Variants in PCDH15 observed in about 807,000 individuals in gnomAD.
PCDH15 encodes the protein protocadherin-15.
In PCDH15, 129 loss-of-function variants were observed where a neutral mutation model predicts 178.5. The observed-to-expected ratio is 0.72, with a 90% CI of 0.63 to 0.84. The LOEUF (loss-of-function observed/expected upper bound fraction) is 0.84. Ranked by LOEUF, PCDH15 falls within the 40% of genes least tolerant of loss-of-function variation. The probability of loss-of-function intolerance (pLI) is 0.00; values close to 1 mark genes in which losing one functional copy is unlikely to be tolerated. For synonymous variants in PCDH15, 800 were observed against 732.0 expected (o/e 1.09, Z -1.50); for missense variants, 2,230 against 2,099.9 (o/e 1.06, Z -1.21).
intron 1 of PCDH15, among the ~76,000 whole-genome samples, chr10:54,693,306 G>A (rs35651658): frequency 0.051 from 7,649 of 151,220 alleles, 224 homozygotes; most frequent in Non-Finnish European, 0.074. Context: ...ATGAGTAAAT[G>A]AGCCCTTTAT....
At chr10:55,366,010 T>A (rs1181583554) in intron 2 of PCDH15, 2 of 152,154 alleles carry the variant, frequency 1.3e-5, no homozygotes, top group African/African-American at 4.8e-5. Flanking sequence ...ATTTATCCTG[T>A]CAAGAGTCAA....
At chr10:54,280,270 C>T (rs1340198771) in intron 8 of PCDH15, among the ~76,000 whole-genome samples, 3 of 142,684 alleles carry the variant, frequency 2.1e-5, no homozygotes, top group African/African-American at 8.3e-5. Context: ...CATTAATTAA[C>T]AAAATTTCTA....
At chr10:55,284,494 G>C (rs561832781) in intron 1 of PCDH15, among the ~76,000 whole-genome samples, 1 of 152,128 alleles carries the variant, frequency 6.6e-6, no homozygotes, top group East Asian at 1.9e-4. Context: ...GGTCATAAAG[G>C]TACAGTTTAT....
intron 2 of PCDH15, among the ~76,000 whole-genome samples, chr10:55,519,633 CAAAG>C (rs1841108950): frequency 6.6e-6 from 1 of 151,162 alleles, no homozygotes; most frequent in Non-Finnish European, 1.5e-5. Context: ...ATAATTAACT[CAAAG>C]AAAAAATAAA....
At chr10:55,339,264 TACA>T (rs1215324368) in intron 2 of PCDH15, among the ~76,000 whole-genome samples, 4 of 150,404 alleles carry the variant, frequency 2.7e-5, no homozygotes, top group Non-Finnish European at 5.9e-5. Context: ...AATAAATACA[TACA>T]ACAATTATGT....
chr10:55,229,326 C>T (rs1174874655), intron 1 of PCDH15, among the ~76,000 whole-genome samples: 2 of 150,778 alleles, frequency 1.3e-5, no homozygotes, highest in African/African-American at 4.9e-5. Flanking sequence ...ATATGGTATC[C>T]AAAATTATAA....
intron 1 of PCDH15, among the ~76,000 whole-genome samples, chr10:55,217,326 A>T (rs1840734586): frequency 6.6e-6 from 1 of 151,968 alleles, no homozygotes; most frequent in African/African-American, 2.4e-5. Flanking sequence ...AAAATGGTAG[A>T]AACAAATTGG....
At chr10:55,113,583 T>A (rs1837561307) in intron 2 of PCDH15, among the ~76,000 whole-genome samples, 1 of 152,218 alleles carries the variant, frequency 6.6e-6, no homozygotes, top group Admixed American at 6.5e-5. Context: ...TGAAATAAAC[T>A]TTGAAACTCT....
At chr10:55,132,479 G>T (rs1234118504) in intron 2 of PCDH15, among the ~76,000 whole-genome samples, 3 of 152,126 alleles carry the variant, frequency 2.0e-5, no homozygotes, top group Non-Finnish European at 4.4e-5. Context: ...GCTTCCCACT[G>T]ATTAATGTGA....
chr10:55,563,117 C>T (rs185511019), intron 2 of PCDH15, among the ~76,000 whole-genome samples: 20 of 151,952 alleles, frequency 1.3e-4, no homozygotes, highest in Admixed American at 2.6e-4. Flanking sequence ...CCACATCCTT[C>T]GGTTATCAAG....
At chr10:54,975,918 A>C (rs968360193) in intron 2 of PCDH15, among the ~76,000 whole-genome samples, 2 of 152,136 alleles carry the variant, frequency 1.3e-5, no homozygotes, top group African/African-American at 4.8e-5. Context: ...TCAGTTATGA[A>C]TTTTAGAACG....
At chr10:55,203,433 T>C (rs2132161307) in intron 1 of PCDH15, among the ~76,000 whole-genome samples, 2 of 152,118 alleles carry the variant, frequency 1.3e-5, no homozygotes, top group East Asian at 3.9e-4. Flanking sequence ...TTATTACCCA[T>C]ATTTTTAAAG....
intron 2 of PCDH15, among the ~76,000 whole-genome samples, chr10:55,411,921 A>T (rs1356299012): frequency 6.6e-6 from 1 of 152,122 alleles, no homozygotes; most frequent in Non-Finnish European, 1.5e-5. Context: ...AATGATAGAT[A>T]GATGCAAGGA....
intron 7 of PCDH15, among the ~76,000 whole-genome samples, chr10:54,324,984 A>C (rs2061848399): frequency 8.5e-6 from 1 of 117,048 alleles, no homozygotes; most frequent in African/African-American, 3.2e-5. Flanking sequence ...ATATGTAGTA[A>C]ATTTCAACAA....
intron 3 of PCDH15, among the ~76,000 whole-genome samples, chr10:54,854,109 C>G (rs556186255): frequency 6.6e-6 from 1 of 152,138 alleles, no homozygotes; most frequent in Non-Finnish European, 1.5e-5. Flanking sequence ...GCTGCTGCAG[C>G]GGGACGGGCA....
intron 16 of PCDH15, among the ~76,000 whole-genome samples, chr10:54,080,150 C>A (rs891381236): frequency 6.6e-6 from 1 of 151,958 alleles, no homozygotes; most frequent in African/African-American, 2.4e-5. Context: ...CCTTTTGTGG[C>A]TACACTAACA....
intron 2 of PCDH15, among the ~76,000 whole-genome samples, chr10:55,021,633 T>C (rs1840331406): frequency 6.6e-6 from 1 of 152,222 alleles, no homozygotes; most frequent in Admixed American, 6.5e-5. Flanking sequence ...AAAGTATAGA[T>C]ATTCTTCTTT....
At chr10:55,357,528 C>T (rs889652885) in intron 2 of PCDH15, among the ~76,000 whole-genome samples, 1 of 151,910 alleles carries the variant, frequency 6.6e-6, no homozygotes, top group African/African-American at 2.4e-5. Context: ...TTATTATACT[C>T]AATGTTTTTT....
intron 3 of PCDH15, among the ~76,000 whole-genome samples, chr10:54,436,748 C>T (rs2075448105): frequency 6.6e-6 from 1 of 152,094 alleles, no homozygotes; most frequent in Non-Finnish European, 1.5e-5. Context: ...TTATTAAGTA[C>T]CTACTAAAGT....
Sources: allele counts gnomAD v4.1 joint callset (sites outside exome capture counted in the v4.1 genomes callset), GRCh38; gene constraint gnomAD v4.1.1; transcripts MANE v1.5; gene names NCBI Gene and HGNC (gene_info 2026-07-23, HGNC 2026-07-21).